MEA1: variants seen among roughly 807,000 people sequenced by gnomAD.
MEA1 encodes the protein Male-enhanced antigen (H-Y structural gene).
Under a neutral mutation model 21.4 loss-of-function variants are expected in MEA1, and 22 were observed. That is an observed-to-expected ratio of 1.03 (90% confidence interval 0.73 to 1.47). The LOEUF (loss-of-function observed/expected upper bound fraction) is 1.47, where lower values mean the gene tolerates loss of function less well. Among genes scored for constraint, MEA1 ranks in the 40% most tolerant of loss-of-function variants. MEA1 has a pLI of 0.00. For synonymous variants in MEA1, 91 were observed against 85.5 expected, an observed-to-expected ratio of 1.06 and a Z score of -0.35; for missense variants, 233 against 230.5, an observed-to-expected ratio of 1.01 and a Z score of -0.07.
chr6:43,012,213 G>A lies in MEA1; in HGVS notation c.*257C>T, dbSNP rs1289241587. Reference sequence around the variant, plus strand: ...AAGGCCGGACCCAGGTTCCAGGGGCGCAGGCAGTGCGGCTTTTGGCTGTGT... The same window carrying A: ...AAGGCCGGACCCAGGTTCCAGGGGCACAGGCAGTGCGGCTTTTGGCTGTGT... On this transcript the variant is annotated 3_prime_UTR_variant, in exon 4 of 4. Transcript: ENST00000244711. The A allele has an allele frequency of 8.5e-6, 10 of 1,175,160 alleles. No homozygotes were observed. The highest frequency in any genetic ancestry group is 4.5e-5 in the Admixed American group (1 of 22,450). 72.8% of individuals were successfully genotyped at this position (1,175,160 alleles called of 1,614,324 possible). A position where few individuals can be genotyped will look rare whatever the true frequency, so the allele number is the denominator to read the frequency against.
At position 43,013,897 on chromosome 6, in the gene MEA1, C is replaced by G. The variant is rs941320993; in HGVS notation, c.-84G>C. On this transcript the variant is annotated 5_prime_UTR_variant, in exon 1 of 4. Coordinates refer to ENST00000244711, the MANE Select transcript of MEA1 (RefSeq NM_014623.4). ...GGCGCCGGTGTTCCCGCGCGCCTCA[C>G]CCGCTCAGAGCCCGCGGCCTCCACT... 3 of 1,501,846 alleles carry G rather than the reference C, an allele frequency of 2.0e-6. No homozygotes were observed. The highest frequency in any genetic ancestry group is 2.8e-5 in the African/African-American group (2 of 71,248). 93.0% of individuals were successfully genotyped at this position (1,501,846 alleles called of 1,614,324 possible).
At chr6:43,013,442 T>G in intron 1 of MEA1, 53 bp from the exon 2 acceptor site, 1 of 1,579,338 alleles carries the variant, frequency 6.3e-7, no homozygotes, top group Non-Finnish European at 8.6e-7. Context: ...CAGGCCCATC[T>G]TCATCCTCTC....
intron 3 of MEA1, 147 bp from the exon 4 acceptor site, chr6:43,012,768 C>G: frequency 8.1e-7 from 1 of 1,230,898 alleles, no homozygotes; most frequent in Non-Finnish European, 1.1e-6. Context: ...ATCCCCAAAG[C>G]TAGCAAAAGA....
upstream of MEA1, chr6:43,014,631 G>A: frequency 2.2e-6 from 1 of 456,600 alleles, no homozygotes; most frequent in South Asian, 1.5e-5. Context: ...AAGGGGAGGG[G>A]TGTCTGGCGT....
At chr6:43,014,328 C>G, upstream of MEA1, 1 of 621,938 alleles carries the variant, frequency 1.6e-6, no homozygotes, top group Non-Finnish European at 2.8e-6. Context: ...CCCGCGGCCC[C>G]GCCCCGGCTC....
chr6:43,015,914 CA>C (rs1762560080), upstream of MEA1, among the ~76,000 whole-genome samples: 1 of 151,340 alleles, frequency 6.6e-6, no homozygotes, highest in Admixed American at 6.6e-5. Flanking sequence ...TTGTCCTGCC[CA>C]AGGGCATTTT....
chr6:43,012,896 T>C (rs776682781), intron 3 of MEA1, 30 bp downstream of exon 3: 1 of 1,586,422 alleles, frequency 6.3e-7, no homozygotes, highest in Non-Finnish European at 8.7e-7. Context: ...TCCTTAGTAA[T>C]TATTCCAGAA....
chr6:43,015,107 A>C (rs1047157453), upstream of MEA1, among the ~76,000 whole-genome samples: 1 of 152,210 alleles, frequency 6.6e-6, no homozygotes, highest in Admixed American at 6.5e-5. Flanking sequence ...GAAGGGAAGA[A>C]TAGAGAATAT....
chr6:43,012,498 G>C lies in MEA1; in HGVS notation c.530C>G (p.Ala177Gly). ...WEDVVQKALQ[A>G]RQASPAWK is the part of the protein sequence containing the mutation. ...CTTCCAGGCAGGGGATGCCTGCCGGGCTTGGAGGGCTTTCTGTACCACATC... is the reference window on the plus strand; with the variant it reads ...CTTCCAGGCAGGGGATGCCTGCCGGCCTTGGAGGGCTTTCTGTACCACATC... Residue 177 changes from alanine (A) to glycine (G), a missense_variant, in exon 4 of 4, where the codon GCC becomes GGC. Transcript: ENST00000244711. 6.2e-7 allele frequency: 1 copy of C among 1,605,442 alleles called. No individual in the cohort carries two copies. Among genetic ancestry groups the C allele is most frequent in the Non-Finnish European group, 8.5e-7 (1 of 1,177,214 alleles).
rs552516954 is a variant in MEA1 at position 43,011,920 on chromosome 6, C to T, written c.*550G>A. 1 of 154,994 alleles carries T rather than the reference C, an allele frequency of 6.5e-6. No homozygotes were observed. Among genetic ancestry groups the T allele is most frequent in the East Asian group, 1.9e-4 (1 of 5,196 alleles). 9.6% of individuals were successfully genotyped at this position (154,994 alleles called of 1,614,324 possible). A position where few individuals can be genotyped will look rare whatever the true frequency, so the allele number is the denominator to read the frequency against. Reference sequence around the variant, plus strand: ...TGATGAATATAGGGCCCAGATGGACCAAGTGGGGCCGGGGAGGGATGAATA... The same window carrying T: ...TGATGAATATAGGGCCCAGATGGACTAAGTGGGGCCGGGGAGGGATGAATA... On this transcript the variant is annotated 3_prime_UTR_variant, in exon 4 of 4. Transcript: ENST00000244711.
chr6:43,014,387 G>A (rs1179662948), upstream of MEA1: 28 of 623,332 alleles, frequency 4.5e-5, no homozygotes, highest in Admixed American at 6.1e-4. Flanking sequence ...GAGAATTAGG[G>A]GGCTTAGGAC....
rs914668801 is a variant in MEA1 at position 43,011,395 on chromosome 6, C to G, written c.*1075G>C. ...TGTCTTGGGGGAAGGCAGCGCCTCT[C>G]TAGCTACTCAAGGGAGGGGGATGTG... On this transcript the variant is annotated 3_prime_UTR_variant, in exon 4 of 4. Transcript: ENST00000244711. The G allele has an allele frequency of 2.1e-6, 3 of 1,435,114 alleles. No individual in the cohort carries two copies. The highest frequency in any genetic ancestry group is 1.4e-5 in the African/African-American group (1 of 70,494). The allele number at this position is 1,435,114 out of a possible 1,614,324, so 88.9% of individuals were successfully genotyped here. A position where few individuals can be genotyped will look rare whatever the true frequency, so the allele number is the denominator to read the frequency against.
upstream of MEA1, chr6:43,016,808 G>T: frequency 4.4e-6 from 1 of 227,250 alleles, no homozygotes; most frequent in Non-Finnish European, 8.8e-6. Flanking sequence ...TTGGGAAGGG[G>T]GCTTCAAGTT....
chr6:43,012,307 A>G lies in MEA1; in HGVS notation c.*163T>C, dbSNP rs921112376. 7.8e-6 allele frequency: 11 copies of G among 1,415,198 alleles called. No homozygotes were observed. In the East Asian group the frequency reaches 1.2e-4, roughly 16 times the overall value. The allele number at this position is 1,415,198 out of a possible 1,614,324, so 87.7% of individuals were successfully genotyped here. On this transcript the variant is annotated 3_prime_UTR_variant, in exon 4 of 4. Transcript: ENST00000244711. ...GGGTTGGGCTTGGACCGATGTCCCCATATGTACAGAACTGAATAAAGTGGG... is the reference window on the plus strand; with the variant it reads ...GGGTTGGGCTTGGACCGATGTCCCCGTATGTACAGAACTGAATAAAGTGGG...
Position 43,011,642 on chromosome 6 carries a change from T to G in MEA1, c.*828A>C, listed in dbSNP as rs1281595256. 7.6e-6 allele frequency: 2 copies of G among 264,108 alleles called. No homozygotes were observed. Among genetic ancestry groups the G allele is most frequent in the Non-Finnish European group, 1.5e-5 (2 of 136,300 alleles). The allele number at this position is 264,108 out of a possible 1,614,324, so 16.4% of individuals were successfully genotyped here. Reference sequence around the variant, plus strand: ...CTCTATTCTTCCCTTCATCCTCATTTGAACGCCAGGTATCTCCCCTCCTCT... The same window carrying G: ...CTCTATTCTTCCCTTCATCCTCATTGGAACGCCAGGTATCTCCCCTCCTCT... On this transcript the variant is annotated 3_prime_UTR_variant, in exon 4 of 4. Coordinates refer to ENST00000244711, the MANE Select transcript of MEA1 (RefSeq NM_014623.4).
In MEA1 at chr6:43,012,506, G is replaced by A. The variant is rs781632821; in HGVS notation, c.522C>T (p.Ala174=). 3 of 1,606,618 alleles carry A rather than the reference G, an allele frequency of 1.9e-6. No homozygotes were observed. In the African/African-American group the frequency reaches 4.0e-5, roughly 22 times the overall value. Residue 174 remains alanine (A), a synonymous_variant, in exon 4 of 4, where the codon GCC becomes GCT. Coordinates refer to ENST00000244711, the MANE Select transcript of MEA1 (RefSeq NM_014623.4). ...CAGGGGATGCCTGCCGGGCTTGGAG[G>A]GCTTTCTGTACCACATCTTCCCACT... The part of the protein sequence containing the change: ...DAQWEDVVQK[A]LQARQASPAW...
At chr6:43,013,074 C>G (rs1762430880) in intron 2 of MEA1, 41 bp downstream of exon 2, 1 of 1,614,100 alleles carries the variant, frequency 6.2e-7, no homozygotes, top group Non-Finnish European at 8.5e-7. Flanking sequence ...TTCAGGGAGC[C>G]CAGCTTCACC....
At position 43,013,396 on chromosome 6, in the gene MEA1, G is replaced by T; in HGVS notation, c.29-7C>A. The T allele has an allele frequency of 6.2e-7, 1 of 1,611,056 alleles. No individual in the cohort carries two copies. ...GTTGCCATCCGGGCAGGGGCTGCAA[G>T]AACAGGGAGGCGGTAGGACAGGGAT... On this transcript the variant is annotated splice_polypyrimidine_tract_variant and splice_region_variant and intron_variant, in intron 1 of 3. Transcript: ENST00000244711.
intron 3 of MEA1, 47 bp downstream of exon 3, chr6:43,012,879 G>A: frequency 6.5e-7 from 1 of 1,546,638 alleles, no homozygotes; most frequent in South Asian, 1.1e-5. Flanking sequence ...ACTCATGCCA[G>A]TTCATTTCCT....
Sources: allele counts gnomAD v4.1 joint callset (sites outside exome capture counted in the v4.1 genomes callset), GRCh38; gene constraint gnomAD v4.1.1; transcripts MANE v1.5; gene names NCBI Gene and HGNC (gene_info 2026-07-23, HGNC 2026-07-21).